KCNH1: variants seen among roughly 807,000 people sequenced by gnomAD.
KCNH1 encodes the protein voltage-gated delayed rectifier potassium channel KCNH1.
In KCNH1, 27 loss-of-function variants were observed where a neutral mutation model predicts 69.2. That is an observed-to-expected ratio of 0.39 (90% confidence interval 0.29 to 0.54). The LOEUF (loss-of-function observed/expected upper bound fraction) is 0.54. Ranked by LOEUF, KCNH1 falls within the 20% of genes least tolerant of loss-of-function variation. The pLI, the probability that KCNH1 is intolerant of heterozygous loss-of-function variation, is 0.68. For missense variants in KCNH1, 798 were observed against 1,261.6 expected (o/e 0.63, Z 5.57); for synonymous variants, 456 against 487.7 (o/e 0.93, Z 0.86).
At chr1:210,774,571 T>C (rs1321284776) in intron 10 of KCNH1, among the ~76,000 whole-genome samples, 1 of 152,150 alleles carries the variant, frequency 6.6e-6, no homozygotes, top group African/African-American at 2.4e-5. Flanking sequence ...TTAGGAAAGA[T>C]TCCTATGACA....
At chr1:210,728,778 C>T (rs1682672035) in intron 10 of KCNH1, among the ~76,000 whole-genome samples, 1 of 152,226 alleles carries the variant, frequency 6.6e-6, no homozygotes, top group Non-Finnish European at 1.5e-5. Flanking sequence ...GAAAGTACAG[C>T]TCTATATTTT....
At chr1:211,047,249 G>A (rs192812822) in intron 5 of KCNH1, among the ~76,000 whole-genome samples, 4 of 152,232 alleles carry the variant, frequency 2.6e-5, no homozygotes, top group Non-Finnish European at 4.4e-5. Flanking sequence ...TACACCACAC[G>A]AATATCCTGA....
intron 10 of KCNH1, among the ~76,000 whole-genome samples, chr1:210,754,186 T>C (rs1683344516): frequency 6.6e-6 from 1 of 152,100 alleles, no homozygotes; most frequent in African/African-American, 2.4e-5. Context: ...CCCAAAGTGC[T>C]GGGATTACAG....
At chr1:210,770,482 G>A (rs1365212734) in intron 10 of KCNH1, among the ~76,000 whole-genome samples, 1 of 152,244 alleles carries the variant, frequency 6.6e-6, no homozygotes. Flanking sequence ...CACATAGCTG[G>A]TCAGCAGTCA....
intron 10 of KCNH1, among the ~76,000 whole-genome samples, chr1:210,689,278 A>G (rs1681477206): frequency 6.6e-6 from 1 of 152,096 alleles, no homozygotes; most frequent in Admixed American, 6.5e-5. Context: ...ATAGTCGACC[A>G]CCTCTTCTGG....
chr1:210,958,830 T>G (rs1252159778), intron 6 of KCNH1, among the ~76,000 whole-genome samples: 2 of 152,206 alleles, frequency 1.3e-5, no homozygotes, highest in African/African-American at 4.8e-5. Context: ...TTCAAGGTTT[T>G]TAGCTTCCTT....
chr1:210,862,486 C>T (rs758384892), intron 7 of KCNH1, among the ~76,000 whole-genome samples: 3 of 152,150 alleles, frequency 2.0e-5, no homozygotes, highest in Non-Finnish European at 4.4e-5. Context: ...CAGGCTCACG[C>T]TACCATGCCA....
intron 9 of KCNH1, among the ~76,000 whole-genome samples, chr1:210,788,968 TTACAGGCGTGAGCCACCGCGCCCGGCC>T (rs1684163451): frequency 6.7e-6 from 1 of 148,954 alleles, no homozygotes; most frequent in African/African-American, 2.6e-5. Flanking sequence ...AGTGCTGGGA[TTACAGGCGTGAGCCACCGCGCCCGGCC>T]TATAGCTTCT....
intron 9 of KCNH1, among the ~76,000 whole-genome samples, chr1:210,789,717 C>G (rs550771385): frequency 1.3e-5 from 2 of 152,176 alleles, no homozygotes; most frequent in African/African-American, 4.8e-5. Flanking sequence ...GCCTCACAAA[C>G]AAGACATGCA....
chr1:210,986,847 G>C (rs1273523320), intron 6 of KCNH1, among the ~76,000 whole-genome samples: 2 of 152,214 alleles, frequency 1.3e-5, no homozygotes, highest in Admixed American at 1.3e-4. Flanking sequence ...CTAGATTGGG[G>C]AAGTTCTCCT....
At chr1:211,116,166 C>T (rs1327059043) in intron 1 of KCNH1, among the ~76,000 whole-genome samples, 1 of 152,018 alleles carries the variant, frequency 6.6e-6, no homozygotes, top group African/African-American at 2.4e-5. Flanking sequence ...TGACATTTTT[C>T]ACATAAATAG....
chr1:210,818,893 G>A (rs1440957963), intron 7 of KCNH1, among the ~76,000 whole-genome samples: 1 of 152,198 alleles, frequency 6.6e-6, no homozygotes, highest in Non-Finnish European at 1.5e-5. Context: ...CCAGCAGTGT[G>A]ATGAGAAGTG....
Position 210,700,645 on chromosome 1 carries a change from G to A in KCNH1, c.2113-16507C>T, listed in dbSNP as rs1681750212. ...ATCCAGCAGTTGGCAAGCTGCTTCTGTAAAGGGCCAGATAGTAAATATTTT... is the reference window on the plus strand; with the variant it reads ...ATCCAGCAGTTGGCAAGCTGCTTCTATAAAGGGCCAGATAGTAAATATTTT... On this transcript the variant is annotated intron_variant, in intron 10 of 10. Coordinates refer to ENST00000271751, the MANE Select transcript of KCNH1 (RefSeq NM_172362.3). Among the ~76,000 whole-genome samples, 11 of 152,310 alleles carry A rather than the reference G, an allele frequency of 7.2e-5. No homozygotes were observed. The South Asian group carries it at 2.3e-3, about 32-fold the overall frequency.
chr1:210,740,704 ATTTTTTTTTTTTT>A (rs199727493), intron 10 of KCNH1, among the ~76,000 whole-genome samples: 8 of 117,250 alleles, frequency 6.8e-5, no homozygotes, highest in East Asian at 2.6e-4. Context: ...TTATGATTAA[ATTTTTTTTTTTTT>A]TTTTTTTTTT....
At chr1:210,996,342 C>A (rs1167714554) in intron 6 of KCNH1, among the ~76,000 whole-genome samples, 1 of 152,226 alleles carries the variant, frequency 6.6e-6, no homozygotes, top group Non-Finnish European at 1.5e-5. Context: ...TTATATCCGG[C>A]ACCTGGTTCG....
At chr1:210,994,299 A>C (rs542244050) in intron 6 of KCNH1, among the ~76,000 whole-genome samples, 9 of 152,316 alleles carry the variant, frequency 5.9e-5, no homozygotes, top group Middle Eastern at 6.8e-3. Context: ...TCATTCCATC[A>C]ATATCTGAAT....
chr1:211,131,153 C>A (rs1435371871), intron 1 of KCNH1, among the ~76,000 whole-genome samples: 3 of 151,972 alleles, frequency 2.0e-5, no homozygotes, highest in Non-Finnish European at 2.9e-5. Context: ...CTTATTTATA[C>A]AATGATGGGG....
intron 10 of KCNH1, among the ~76,000 whole-genome samples, chr1:210,717,026 G>A (rs924535474): frequency 6.6e-6 from 1 of 152,160 alleles, no homozygotes; most frequent in Admixed American, 6.5e-5. Flanking sequence ...TTCCATTTGA[G>A]TTATATCTTC....
chr1:210,780,475 C>G (rs919738700), intron 9 of KCNH1, among the ~76,000 whole-genome samples: 4 of 152,104 alleles, frequency 2.6e-5, no homozygotes, highest in African/African-American at 7.2e-5. Context: ...AGGCACTGTT[C>G]TAGGGGCTGA....
Sources: allele counts gnomAD v4.1 joint callset (sites outside exome capture counted in the v4.1 genomes callset), GRCh38; gene constraint gnomAD v4.1.1; transcripts MANE v1.5; gene names NCBI Gene and HGNC (gene_info 2026-07-23, HGNC 2026-07-21).